The following ABCB1 variants were observed in gnomAD, a reference collection of about 807,000 sequenced individuals.
The protein encoded by ABCB1 is ATP binding cassette subfamily B member 1.
ABCB1 carries 69 observed loss-of-function variants against 142.0 expected under a neutral mutation model. The ratio of observed to expected loss-of-function variants is 0.49; its 90% CI spans 0.40 to 0.59. The LOEUF (loss-of-function observed/expected upper bound fraction) is 0.59, where lower values mean the gene tolerates loss of function less well. Among genes scored for constraint, ABCB1 ranks in the 20% least tolerant of loss-of-function variants. The probability of loss-of-function intolerance (pLI) is 0.00; values close to 1 mark genes in which losing one functional copy is unlikely to be tolerated. For synonymous variants in ABCB1, 532 were observed against 539.2 expected, an observed-to-expected ratio of 0.99 and a Z score of 0.18; for missense variants, 1,326 against 1,554.7, an observed-to-expected ratio of 0.85 and a Z score of 2.47.
chr7:87,673,374 C>T (rs1039220702), intron 1 of ABCB1, among the ~76,000 whole-genome samples: 1 of 152,184 alleles, frequency 6.6e-6, no homozygotes. Context: ...CATATTTTGT[C>T]TCTTTACATA....
At chr7:87,661,409 C>G (rs547710664) in intron 1 of ABCB1, among the ~76,000 whole-genome samples, 3 of 151,580 alleles carry the variant, frequency 2.0e-5, no homozygotes, top group South Asian at 2.1e-4. Context: ...CTAACTGCCC[C>G]CCACCTTCAC....
chr7:87,562,076 G>A (rs1414339278), intron 7 of ABCB1, among the ~76,000 whole-genome samples: 2 of 152,032 alleles, frequency 1.3e-5, no homozygotes, highest in Non-Finnish European at 2.9e-5. Flanking sequence ...AAATTCATAG[G>A]CACTTGTGGA....
chr7:87,634,467 C>A (rs1187212996), intron 1 of ABCB1, among the ~76,000 whole-genome samples: 1 of 94,742 alleles, frequency 1.1e-5, no homozygotes, highest in Non-Finnish European at 2.0e-5. Context: ...ACTAAAAATA[C>A]AAACAGTCAG....
chr7:87,640,657 T>C (rs1183756407), intron 1 of ABCB1, among the ~76,000 whole-genome samples: 2 of 152,216 alleles, frequency 1.3e-5, no homozygotes, highest in African/African-American at 4.8e-5. Flanking sequence ...ATTATCTTTT[T>C]ACACTCCAAT....
At chr7:87,513,941 T>C (rs1346712678) in intron 25 of ABCB1, among the ~76,000 whole-genome samples, 1 of 152,202 alleles carries the variant, frequency 6.6e-6, no homozygotes, top group Non-Finnish European at 1.5e-5. Context: ...CGTCTTTATT[T>C]AGAGTCCTGT....
rs527281105 is a variant in ABCB1 at position 87,543,849 on chromosome 7, G to C, written c.2211+280C>G. ...ATTTGTTCAGAGCCAAATGTTGGCA[G>C]GTATGAGAAAGTCATCTCATCACTT... On this transcript the variant is annotated intron_variant, in intron 17 of 27. Coordinates refer to ENST00000622132, the MANE Select transcript of ABCB1 (RefSeq NM_001348946.2). Among the ~76,000 whole-genome samples the C allele has an allele frequency of 2.0e-5, 3 of 152,320 alleles. No individual in the cohort carries two copies. The South Asian group carries it at 6.2e-4, about 32-fold the overall frequency.
chr7:87,626,047 TG>T (rs1245661307), intron 1 of ABCB1, among the ~76,000 whole-genome samples: 1 of 131,330 alleles, frequency 7.6e-6, no homozygotes, highest in African/African-American at 3.0e-5. Context: ...GAGAGAGAGA[TG>T]GAGTCTCATT....
At chr7:87,585,322 T>A (rs1401579413) in intron 4 of ABCB1, among the ~76,000 whole-genome samples, 190 bp downstream of exon 4, 1 of 152,232 alleles carries the variant, frequency 6.6e-6, no homozygotes, top group Admixed American at 6.5e-5. Context: ...GGCACTTCAG[T>A]TGTGTGTTGT....
chr7:87,696,979 C>G (rs1828546557), intron 1 of ABCB1, among the ~76,000 whole-genome samples: 1 of 152,192 alleles, frequency 6.6e-6, no homozygotes, highest in Admixed American at 6.5e-5. Flanking sequence ...TCCTCCAAAA[C>G]AGGGCTTTTT....
intron 4 of ABCB1, among the ~76,000 whole-genome samples, chr7:87,584,936 A>T (rs117175889): frequency 0.016 from 2,361 of 150,952 alleles, 28 homozygotes; most frequent in South Asian, 0.036. Context: ...GCTATTATTT[A>T]TCCTATCCTA....
intron 24 of ABCB1, among the ~76,000 whole-genome samples, chr7:87,516,299 AGC>A (rs1288104535): frequency 2.0e-5 from 3 of 152,242 alleles, no homozygotes; most frequent in African/African-American, 7.2e-5. Flanking sequence ...TTATAAAGTG[AGC>A]AGTATTCCTA....
Position 87,544,843 on chromosome 7 carries a change from G to C in ABCB1, c.2044C>G (p.Leu682Val), listed in dbSNP as rs1323794979. ...CATACCAGAGCCTCTTTGGTACTAA[G>C]CTTTCTGTCTTGGGCTTGTGATCCA... ...VRGSQAQDRK[L>V]STKEALDESI... is the part of the protein sequence containing the mutation. Residue 682 changes from leucine (L) to valine (V), a missense_variant, in exon 16 of 28, where the codon CTT (leucine) becomes GTT (valine). Coordinates refer to ENST00000622132, the MANE Select transcript of ABCB1 (RefSeq NM_001348946.2). 4 of 1,613,896 alleles carry C rather than the reference G, an allele frequency of 2.5e-6. No individual in the cohort carries two copies. Among genetic ancestry groups the C allele is most frequent in the Non-Finnish European group, 3.4e-6 (4 of 1,180,008 alleles).
rs2028026 is a variant in ABCB1 at position 87,709,151 on chromosome 7, A to G, written c.-331+4010T>C. ...CAGGATTCCATACACATTCAAATAC[A>G]GGAAACTAAATGCAGCCCAGTTTTG... is the stretch of plus-strand genomic sequence containing the variant. On this transcript the variant is annotated intron_variant, in intron 1 of 28. Transcript: ENST00000265724. 596 of 530,102 alleles carry G rather than the reference A, an allele frequency of 1.1e-3. 15 individuals are homozygous for G. In the Admixed American group the frequency reaches 0.033, roughly 30 times the overall value. The allele number at this position is 530,102 out of a possible 1,614,324, so 32.8% of individuals were successfully genotyped here. A position where few individuals can be genotyped will look rare whatever the true frequency, so the allele number is the denominator to read the frequency against.
chr7:87,635,965 G>A (rs1036891561), intron 1 of ABCB1, among the ~76,000 whole-genome samples: 2 of 152,156 alleles, frequency 1.3e-5, no homozygotes, highest in Non-Finnish European at 2.9e-5. Flanking sequence ...TCCATTGGAT[G>A]AATATACCAC....
At chr7:87,545,645 C>T (rs1382505030) in intron 15 of ABCB1, among the ~76,000 whole-genome samples, 1 of 152,160 alleles carries the variant, frequency 6.6e-6, no homozygotes, top group African/African-American at 2.4e-5. Flanking sequence ...GATAACTCAC[C>T]TTGAAACCTT....
intron 25 of ABCB1, among the ~76,000 whole-genome samples, chr7:87,512,524 G>C (rs1338894625): frequency 6.6e-6 from 1 of 152,182 alleles, no homozygotes; most frequent in East Asian, 1.9e-4. Flanking sequence ...TTCAACATGG[G>C]ATTCAAGGTC....
chr7:87,711,288 T>C (rs1830060951), intron 1 of ABCB1, among the ~76,000 whole-genome samples: 1 of 151,938 alleles, frequency 6.6e-6, no homozygotes, highest in South Asian at 2.1e-4. Context: ...ATTGAGCCAT[T>C]GCACCGCAGC....
intron 21 of ABCB1, among the ~76,000 whole-genome samples, chr7:87,525,003 G>A (rs775189064): frequency 3.9e-5 from 6 of 151,928 alleles, no homozygotes; most frequent in African/African-American, 7.3e-5. Context: ...GTATATAGCC[G>A]AATAAAAGTG....
At chr7:87,709,625 T>A in intron 1 of ABCB1, 1 of 486,942 alleles carries the variant, frequency 2.1e-6, no homozygotes, top group Non-Finnish European at 2.7e-6. Context: ...CTTTGTGACC[T>A]TTCCTATCCC....
Sources: gnomAD v4.1 joint callset for allele counts (sites outside exome capture counted in the v4.1 genomes callset) on GRCh38, gnomAD v4.1.1 for gene constraint, MANE v1.5 for transcripts, NCBI Gene and HGNC (gene_info 2026-07-23, HGNC 2026-07-21) for gene names.